Variants in RGS22 observed in about 807,000 individuals in gnomAD.
The protein encoded by RGS22 is regulator of G protein signaling 22, also known as regulator of G-protein signaling 22.
A neutral mutation model predicts 172.9 loss-of-function variants in RGS22; 148 were observed. The ratio of observed to expected loss-of-function variants is 0.86; its 90% CI spans 0.75 to 0.98. The LOEUF is 0.98. Ranked by LOEUF, RGS22 falls within the 50% of genes least tolerant of loss-of-function variation. The probability of loss-of-function intolerance (pLI) is 0.00; values close to 1 mark genes in which losing one functional copy is unlikely to be tolerated. For missense variants in RGS22, 1,347 were observed against 1,440.8 expected (o/e 0.93, Z 1.05); for synonymous variants, 458 against 480.2 (o/e 0.95, Z 0.60).
chr8:100,002,136 G>C lies in RGS22; in HGVS notation c.2790+66C>G, dbSNP rs910358013. The C allele has an allele frequency of 6.2e-6, 8 of 1,285,228 alleles. No individual in the cohort carries two copies. In the Admixed American group the frequency reaches 7.5e-5, roughly 12 times the overall value. 79.6% of individuals were successfully genotyped at this position (1,285,228 alleles called of 1,614,324 possible). ...AAAATAAGAGACTTTCAGGTTGTTG[G>C]CAAAAATAGAAATAAAATACCGGTT... On this transcript the variant is annotated intron_variant, in intron 18 of 27. Transcript: ENST00000360863.
At chr8:99,991,529 A>G (rs1813719756) in intron 20 of RGS22, among the ~76,000 whole-genome samples, 1 of 152,234 alleles carries the variant, frequency 6.6e-6, no homozygotes, top group Non-Finnish European at 1.5e-5. Context: ...ATTAAAGATC[A>G]AATTAATGAA....
At position 100,102,005 on chromosome 8, in the gene RGS22, T is replaced by C. The variant is rs559697632; in HGVS notation, c.54+3369A>G. On this transcript the variant is annotated intron_variant, in intron 2 of 27. Transcript: ENST00000360863. ...AGGGACCCAGGCCCCTCTGATCTTA[T>C]GTCTCCACCATCCTCAAGATGCCAC... Among the ~76,000 whole-genome samples the C allele has an allele frequency of 9.8e-5, 15 of 152,344 alleles. No homozygotes were observed. The East Asian group carries it at 1.3e-3, about 14-fold the overall frequency.
intron 1 of RGS22, 51 bp downstream of exon 1, chr8:100,105,846 C>T (rs1352960833): frequency 2.8e-6 from 4 of 1,448,638 alleles, no homozygotes; most frequent in Non-Finnish European, 3.7e-6. Context: ...GCGCGTGGTG[C>T]GGCCCCGACG....
rs867955893 is a variant in RGS22, at chr8:99,962,736, G to A, written c.3741C>T (p.Ser1247=). 7 of 1,612,138 alleles carry A rather than the reference G, an allele frequency of 4.3e-6. 1 individual carries two copies. In the Middle Eastern group the frequency reaches 8.3e-4, roughly 191 times the overall value. Residue 1247 remains serine (S), a synonymous_variant, in exon 26 of 28, where the codon AGC becomes AGT. Transcript: ENST00000360863. ...TCTTTTTCAAAGACATAGTTGAAGA[G>A]CTAGCCTTAAAATTTGTGAGAGGTT... is the stretch of plus-strand genomic sequence containing the variant. ...GLQPLTNFKA[S]SSTMSLKKNM...
At chr8:100,074,472 C>T (rs1229998903) in intron 4 of RGS22, among the ~76,000 whole-genome samples, 3 of 152,284 alleles carry the variant, frequency 2.0e-5, no homozygotes, top group East Asian at 3.9e-4. Flanking sequence ...TGATCTGTTC[C>T]GTAGTTTTGC....
intron 2 of RGS22, among the ~76,000 whole-genome samples, chr8:100,099,310 C>G (rs11989608): frequency 0.019 from 2,853 of 152,248 alleles, 62 homozygotes; most frequent in African/African-American, 0.058. Flanking sequence ...CACCCTAAGG[C>G]TTTCTCCTTG....
chr8:100,033,291 A>G (rs1819051153), intron 14 of RGS22, among the ~76,000 whole-genome samples: 1 of 152,200 alleles, frequency 6.6e-6, no homozygotes, highest in Non-Finnish European at 1.5e-5. Flanking sequence ...AAAGAAGAAA[A>G]GAGAGAAGAA....
At chr8:100,003,285 T>C (rs1466654134) in intron 17 of RGS22, 1 of 151,878 alleles carries the variant, frequency 6.6e-6, no homozygotes. Flanking sequence ...AATATATACA[T>C]GTACTATGTA....
At position 99,973,996 on chromosome 8, in the gene RGS22, A is replaced by C. The variant is rs142819781; in HGVS notation, c.3519+3921T>G. 3.8e-3 allele frequency among the ~76,000 whole-genome samples: 572 copies of C among 152,308 alleles called. 4 individuals carry two copies. Among genetic ancestry groups the C allele is most frequent in the African/African-American group, 0.013 (549 of 41,562 alleles). On this transcript the variant is annotated intron_variant, in intron 23 of 27. Transcript: ENST00000360863. ...TACGCACATGTATCCTAGAAATTAA[A>C]GTATAATAAAAAAATGCATATTAAC...
chr8:100,063,479 T>C lies in RGS22; in HGVS notation c.1289A>G (p.Tyr430Cys), dbSNP rs1467322025. 14 of 1,613,290 alleles carry C rather than the reference T, an allele frequency of 8.7e-6. No individual in the cohort carries two copies. The East Asian group carries it at 1.6e-4, about 18-fold the overall frequency. The change falls in exon 8 of 28, where the codon TAT becomes TGT. Residue 430 changes from tyrosine (Y) to cysteine (C), a missense_variant. Coordinates refer to ENST00000360863, the MANE Select transcript of RGS22 (RefSeq NM_015668.5). ...KFIKGTLGER[Y>C]WWLWMDIERL... ...CTCAATATCCATCCATAGCCACCAA[T>C]ATCTCTCTCCCAATGTACCTTTTAT...
At chr8:100,031,077 A>C (rs1818741789) in intron 14 of RGS22, among the ~76,000 whole-genome samples, 1 of 152,100 alleles carries the variant, frequency 6.6e-6, no homozygotes. Context: ...ACATGTCAAA[A>C]CTGTAAGGGT....
At chr8:100,035,686 T>G (rs934801826) in intron 14 of RGS22, among the ~76,000 whole-genome samples, 2 of 152,114 alleles carry the variant, frequency 1.3e-5, no homozygotes, top group African/African-American at 4.8e-5. Flanking sequence ...CTATTCACAA[T>G]AGCAAAAACT....
chr8:100,057,316 C>T (rs577199153), intron 9 of RGS22, among the ~76,000 whole-genome samples: 30 of 152,280 alleles, frequency 2.0e-4, no homozygotes, highest in African/African-American at 6.3e-4. Flanking sequence ...AGACTTTGGA[C>T]TGTGGACTTT....
At chr8:99,994,715 T>A (rs1015306724) in intron 20 of RGS22, among the ~76,000 whole-genome samples, 3 of 151,956 alleles carry the variant, frequency 2.0e-5, no homozygotes, top group African/African-American at 7.3e-5. Context: ...TTCAATGCCA[T>A]CCCCATCAAG....
chr8:100,053,426 A>G (rs1409679295), intron 9 of RGS22, among the ~76,000 whole-genome samples: 1 of 120,178 alleles, frequency 8.3e-6, no homozygotes, highest in African/African-American at 3.1e-5. Context: ...CCATCTAAAA[A>G]AGGGAGGAAG....
chr8:100,020,298 C>G (rs753182328), intron 14 of RGS22, among the ~76,000 whole-genome samples: 1 of 152,148 alleles, frequency 6.6e-6, no homozygotes, highest in African/African-American at 2.4e-5. Flanking sequence ...TCCACAAAAG[C>G]CATGGCACTA....
At chr8:99,962,632 A>G in intron 26 of RGS22, 55 bp downstream of exon 26, 1 of 1,544,352 alleles carries the variant, frequency 6.5e-7, no homozygotes, top group Non-Finnish European at 8.8e-7. Context: ...GGTGAGAGGC[A>G]AAACTCCATC....
chr8:100,072,061 G>A, intron 5 of RGS22, 84 bp downstream of exon 5: 1 of 766,398 alleles, frequency 1.3e-6, no homozygotes. Context: ...TGCCACACAT[G>A]GTGGCATACA....
Position 100,080,577 on chromosome 8 carries a change from G to A in RGS22, c.118-222C>T, listed in dbSNP as rs1383077700. Reference sequence around the variant, plus strand: ...GCACTTATGCCACGAGTAAGTGTCAGGGTATGCTATGGCAGAAATTCCCTT... The same window carrying A: ...GCACTTATGCCACGAGTAAGTGTCAAGGTATGCTATGGCAGAAATTCCCTT... On this transcript the variant is annotated intron_variant, in intron 3 of 27. Transcript: ENST00000360863. 1.4e-5 allele frequency: 7 copies of A among 487,046 alleles called. No individual in the cohort carries two copies. In the Admixed American group the frequency reaches 2.6e-4, roughly 18 times the overall value. The allele number at this position is 487,046 out of a possible 1,614,324, so 30.2% of individuals were successfully genotyped here. A position where few individuals can be genotyped will look rare whatever the true frequency, so the allele number is the denominator to read the frequency against.
Sources: allele counts gnomAD v4.1 joint callset (sites outside exome capture counted in the v4.1 genomes callset), GRCh38; gene constraint gnomAD v4.1.1; transcripts MANE v1.5; gene names NCBI Gene and HGNC (gene_info 2026-07-23, HGNC 2026-07-21).